Variants in CDH8 observed in about 807,000 individuals in gnomAD.
The protein encoded by CDH8 is cadherin-8.
In CDH8, 17 loss-of-function variants were observed where a neutral mutation model predicts 68.1. The ratio of observed to expected loss-of-function variants is 0.25; its 90% CI spans 0.17 to 0.37. The LOEUF (loss-of-function observed/expected upper bound fraction) is 0.37, where lower values mean the gene tolerates loss of function less well. Among genes scored for constraint, CDH8 ranks in the 10% least tolerant of loss-of-function variants. The pLI, the probability that CDH8 is intolerant of heterozygous loss-of-function variation, is 1.00. For synonymous variants in CDH8, 372 were observed against 365.1 expected (o/e 1.02, Z -0.21); for missense variants, 763 against 999.3 (o/e 0.76, Z 3.19).
intron 3 of CDH8, among the ~76,000 whole-genome samples, chr16:61,885,324 G>A (rs978334277): frequency 6.6e-6 from 1 of 152,124 alleles, no homozygotes; most frequent in Admixed American, 6.6e-5. Context: ...TTTACTGTAT[G>A]GCTATTAAAC....
chr16:61,927,218 T>A (rs889361784), intron 2 of CDH8, among the ~76,000 whole-genome samples: 1 of 152,196 alleles, frequency 6.6e-6, no homozygotes, highest in South Asian at 2.1e-4. Context: ...TCTATATTGC[T>A]ACAGGGATAA....
At position 61,860,964 on chromosome 16, in the gene CDH8, C is replaced by T. The variant is rs563214972; in HGVS notation, c.548-3726G>A. Among the ~76,000 whole-genome samples, 3 of 152,248 alleles carry T rather than the reference C, an allele frequency of 2.0e-5. No homozygotes were observed. The East Asian group carries it at 5.8e-4, about 29-fold the overall frequency. ...TGAAACGCTTATCTGTTTCTTTGAGCAAATACTTTAACCTGTCTTAGCCTC... is the reference window on the plus strand; with the variant it reads ...TGAAACGCTTATCTGTTTCTTTGAGTAAATACTTTAACCTGTCTTAGCCTC... On this transcript the variant is annotated intron_variant, in intron 3 of 11. Coordinates refer to ENST00000577390, the MANE Select transcript of CDH8 (RefSeq NM_001796.5).
intron 8 of CDH8, among the ~76,000 whole-genome samples, chr16:61,730,144 C>T (rs956676707): frequency 1.3e-5 from 2 of 151,278 alleles, no homozygotes; most frequent in Non-Finnish European, 3.0e-5. Context: ...CAATAAATTG[C>T]AATTATCTCT....
At chr16:61,941,520 G>A (rs547094563) in intron 2 of CDH8, among the ~76,000 whole-genome samples, 234 of 152,176 alleles carry the variant, frequency 1.5e-3, no homozygotes, top group African/African-American at 5.4e-3. Flanking sequence ...CACAGTCTCC[G>A]CTCACTGCAA....
At chr16:61,857,980 C>A (rs1352676163) in intron 3 of CDH8, among the ~76,000 whole-genome samples, 1 of 151,602 alleles carries the variant, frequency 6.6e-6, no homozygotes, top group Non-Finnish European at 1.5e-5. Context: ...TAAAGAGCAA[C>A]CAAATCTCTA....
At position 61,995,440 on chromosome 16, in the gene CDH8, C is replaced by T. The variant is rs907319644; in HGVS notation, c.252+25712G>A. Among the ~76,000 whole-genome samples, 13 of 152,186 alleles carry T rather than the reference C, an allele frequency of 8.5e-5. No individual in the cohort carries two copies. The South Asian group carries it at 1.9e-3, about 22-fold the overall frequency. The stretch of plus-strand genomic sequence containing the variant: ...TCACCCAGGCTGGAGTGCAGTGGCA[C>T]GATCTCGGCTCACTGCAACCTCAGC... On this transcript the variant is annotated intron_variant, in intron 2 of 11. Coordinates refer to ENST00000577390, the MANE Select transcript of CDH8 (RefSeq NM_001796.5).
At chr16:61,844,875 A>G (rs552970070) in intron 4 of CDH8, among the ~76,000 whole-genome samples, 99 of 152,214 alleles carry the variant, frequency 6.5e-4, no homozygotes, top group Admixed American at 3.9e-4. Flanking sequence ...CAGTTATGCC[A>G]TAAGGGAAAG....
chr16:61,934,682 A>G (rs1964600476), intron 2 of CDH8, among the ~76,000 whole-genome samples: 1 of 152,158 alleles, frequency 6.6e-6, no homozygotes, highest in Admixed American at 6.5e-5. Flanking sequence ...CTGCCCCTAA[A>G]TGGATTTAAA....
chr16:62,027,530 A>G (rs1010532341), intron 1 of CDH8, among the ~76,000 whole-genome samples: 2 of 152,228 alleles, frequency 1.3e-5, no homozygotes, highest in East Asian at 1.9e-4. Context: ...TAGCAGCCAC[A>G]ATATTTCATG....
chr16:61,820,210 C>T (rs962081060), intron 6 of CDH8, among the ~76,000 whole-genome samples: 3 of 151,754 alleles, frequency 2.0e-5, no homozygotes, highest in African/African-American at 2.4e-5. Flanking sequence ...AATGCTCAAA[C>T]CTCTGAGCCA....
chr16:61,774,176 T>C (rs1343652232), intron 8 of CDH8, among the ~76,000 whole-genome samples: 1 of 151,956 alleles, frequency 6.6e-6, no homozygotes, highest in East Asian at 1.9e-4. Context: ...AACGGGCTTG[T>C]TGGGTAATGA....
chr16:61,868,820 C>T (rs1326586961), intron 3 of CDH8, among the ~76,000 whole-genome samples: 1 of 152,088 alleles, frequency 6.6e-6, no homozygotes, highest in Non-Finnish European at 1.5e-5. Context: ...ATTGAAAACT[C>T]TACGTGACAT....
At chr16:62,014,543 C>G (rs1901890602) in intron 2 of CDH8, among the ~76,000 whole-genome samples, 1 of 152,104 alleles carries the variant, frequency 6.6e-6, no homozygotes, top group Admixed American at 6.5e-5. Context: ...TGCAAACAGC[C>G]AGCAAAAAAT....
At chr16:61,861,013 T>C (rs1047521969) in intron 3 of CDH8, among the ~76,000 whole-genome samples, 1 of 152,146 alleles carries the variant, frequency 6.6e-6, no homozygotes, top group African/African-American at 2.4e-5. Context: ...CAAAATATAA[T>C]AGGGTTATTG....
chr16:61,658,688 T>C (rs2142748389), intron 10 of CDH8, among the ~76,000 whole-genome samples: 1 of 152,260 alleles, frequency 6.6e-6, no homozygotes, highest in Non-Finnish European at 1.5e-5. Flanking sequence ...CATACCGTGT[T>C]CTTTAAGAAT....
At position 61,788,646 on chromosome 16, in the gene CDH8, GA is replaced by G. The variant is rs1735593627; in HGVS notation, c.1414+699del. 3.3e-5 allele frequency among the ~76,000 whole-genome samples: 5 copies of G among 151,814 alleles called. No homozygotes were observed. The East Asian group carries it at 9.7e-4, about 29-fold the overall frequency. ...AATTTCACCATATAGCTATTGTTTA[GA>G]GACTCCATTATAGTTTTATCAAGTG... On this transcript the variant is annotated intron_variant, in intron 8 of 11. Transcript: ENST00000577390.
chr16:61,822,471 T>A (rs2143000899), intron 5 of CDH8, among the ~76,000 whole-genome samples: 1 of 151,778 alleles, frequency 6.6e-6, no homozygotes, highest in South Asian at 2.1e-4. Context: ...GAACATTACC[T>A]AATTCTCATT....
intron 3 of CDH8, among the ~76,000 whole-genome samples, chr16:61,872,476 A>G (rs1963387247): frequency 6.6e-6 from 1 of 152,214 alleles, no homozygotes; most frequent in African/African-American, 2.4e-5. Context: ...CTGATTGACA[A>G]TTGGTTGAAG....
At chr16:61,932,141 A>G (rs1208516691) in intron 2 of CDH8, among the ~76,000 whole-genome samples, 1 of 150,866 alleles carries the variant, frequency 6.6e-6, no homozygotes, top group African/African-American at 2.4e-5. Context: ...CGGGAGGCGG[A>G]GCTTGCAGTG....
Sources: allele counts gnomAD v4.1 joint callset (sites outside exome capture counted in the v4.1 genomes callset), GRCh38; gene constraint gnomAD v4.1.1; transcripts MANE v1.5; gene names NCBI Gene and HGNC (gene_info 2026-07-23, HGNC 2026-07-21).